Variants in CLINT1 observed in about 807,000 individuals in gnomAD.
CLINT1 encodes clathrin interacting protein localized in the trans-Golgi region.
A neutral mutation model predicts 70.4 loss-of-function variants in CLINT1; 15 were observed. The observed-to-expected ratio is 0.21, with a 90% confidence interval of 0.14 to 0.33. CLINT1 has a LOEUF of 0.33. CLINT1 is among the 10% of genes least tolerant of loss of function. The pLI is 1.00. For missense variants in CLINT1, 615 were observed against 778.1 expected (o/e 0.79, Z 2.49); for synonymous variants, 227 against 254.7 (o/e 0.89, Z 1.04).
chr5:157,805,880 G>A lies in CLINT1; in HGVS notation c.928C>T (p.Gln310Ter). The A allele has an allele frequency of 6.2e-7, 1 of 1,613,956 alleles. No individual in the cohort carries two copies. The highest frequency in any genetic ancestry group is 8.5e-7 in the Non-Finnish European group (1 of 1,179,866). Reference sequence around the variant, plus strand: ...GCCATTCCCACCTTAACTGAAGACTGAGGTGTGTGGGTTGAAGCATTCTGA... The same window carrying A: ...GCCATTCCCACCTTAACTGAAGACTAAGGTGTGTGGGTTGAAGCATTCTGA... The part of the protein sequence containing the change: ...PDQNASTHTP[Q>*]SSVKTSVPSS... Residue 310 changes from glutamine (Q) to a stop codon, truncating the protein, a stop_gained, in exon 7 of 12, where the codon CAG (glutamine) becomes TAG (stop). Coordinates refer to ENST00000411809, the MANE Select transcript of CLINT1 (RefSeq NM_014666.4). LOFTEE classifies it high-confidence loss of function.
At chr5:157,823,022 A>T (rs254674) in intron 1 of CLINT1, among the ~76,000 whole-genome samples, 151,778 of 152,044 alleles carry the variant, frequency 1, 75,758 homozygotes, top group Middle Eastern at 1. Flanking sequence ...TTATTCCTTT[A>T]AAAAAAAACT....
intron 9 of CLINT1, among the ~76,000 whole-genome samples, chr5:157,792,398 A>G (rs1265984837): frequency 6.6e-6 from 1 of 152,132 alleles, no homozygotes; most frequent in Admixed American, 6.5e-5. Context: ...ATACAAAAAA[A>G]TTAGCTGGGT....
chr5:157,812,661 C>T (rs1762599941), intron 5 of CLINT1, among the ~76,000 whole-genome samples: 1 of 152,144 alleles, frequency 6.6e-6, no homozygotes, highest in Non-Finnish European at 1.5e-5. Context: ...GCCAAAAATA[C>T]AGCTAAATTG....
At chr5:157,828,485 A>G (rs1320269062) in intron 1 of CLINT1, among the ~76,000 whole-genome samples, 1 of 152,150 alleles carries the variant, frequency 6.6e-6, no homozygotes, top group Non-Finnish European at 1.5e-5. Context: ...GCTAACAACT[A>G]TATAAAAACA....
intron 1 of CLINT1, chr5:157,823,722 T>A: frequency 1.3e-6 from 1 of 789,002 alleles, no homozygotes; most frequent in Non-Finnish European, 1.5e-6. Flanking sequence ...TTCTTAATAA[T>A]TTTTTTAACA....
chr5:157,819,834 G>A (rs1762828199), intron 1 of CLINT1, among the ~76,000 whole-genome samples: 3 of 152,144 alleles, frequency 2.0e-5, no homozygotes, highest in Admixed American at 2.0e-4. Context: ...TTTTACCAGA[G>A]CCTTCATAAA....
chr5:157,817,665 G>A, intron 1 of CLINT1, 118 bp from the exon 2 acceptor site: 2 of 617,164 alleles, frequency 3.2e-6, no homozygotes, highest in Non-Finnish European at 5.7e-6. Context: ...CTACAGGATG[G>A]GAGAGAAAAC....
In CLINT1 at chr5:157,789,531, T is replaced by G. The variant is rs775594519; in HGVS notation, c.1381-18A>C. On this transcript the variant is annotated intron_variant, in intron 10 of 11. Coordinates refer to ENST00000411809, the MANE Select transcript of CLINT1 (RefSeq NM_014666.4). ...TCTGTATTCTGATTATAGAGAGGAT[T>G]AGGCTTCTGCAGCACTGTGCTAACA... 1.9e-5 allele frequency: 31 copies of G among 1,613,884 alleles called. No homozygotes were observed. The highest frequency in any genetic ancestry group is 1.9e-5 in the Non-Finnish European group (22 of 1,179,876).
intron 1 of CLINT1, among the ~76,000 whole-genome samples, chr5:157,850,447 T>C (rs1753533216): frequency 1.3e-5 from 2 of 151,610 alleles, no homozygotes; most frequent in South Asian, 4.2e-4. Flanking sequence ...GATGAAACCC[T>C]ATCTCTACAA....
At chr5:157,828,071 T>C (rs1409143822) in intron 1 of CLINT1, among the ~76,000 whole-genome samples, 1 of 152,274 alleles carries the variant, frequency 6.6e-6, no homozygotes, top group South Asian at 2.1e-4. Flanking sequence ...TGAAATGACA[T>C]GTGTAAAGCA....
At chr5:157,830,687 G>T (rs1158777380) in intron 1 of CLINT1, among the ~76,000 whole-genome samples, 1 of 150,424 alleles carries the variant, frequency 6.6e-6, no homozygotes, top group Non-Finnish European at 1.5e-5. Context: ...ACCAGCCTGG[G>T]CAATATAGAG....
At chr5:157,855,069 G>A (rs940367066) in intron 1 of CLINT1, among the ~76,000 whole-genome samples, 2 of 148,676 alleles carry the variant, frequency 1.3e-5, no homozygotes, top group African/African-American at 2.5e-5. Context: ...ATTTGAACCC[G>A]GGAGGTAGAG....
chr5:157,846,572 T>C (rs1753387396), intron 1 of CLINT1, among the ~76,000 whole-genome samples: 1 of 152,236 alleles, frequency 6.6e-6, no homozygotes, highest in African/African-American at 2.4e-5. Flanking sequence ...ATGTAGAAGC[T>C]ATGGCAAATT....
intron 1 of CLINT1, 27 bp downstream of exon 1, chr5:157,858,903 C>T (rs549704982): frequency 3.9e-6 from 3 of 778,536 alleles, no homozygotes; most frequent in East Asian, 5.4e-5. Context: ...ACGTGGGCCT[C>T]GGCCACAACT....
chr5:157,817,592 T>A (rs548839067), intron 1 of CLINT1, 45 bp from the exon 2 acceptor site: 1 of 1,264,996 alleles, frequency 7.9e-7, no homozygotes, highest in Admixed American at 2.0e-5. Flanking sequence ...AAGATTAGCA[T>A]CAAAACTGAG....
In CLINT1 at chr5:157,787,395, G is replaced by T; in HGVS notation, c.*251C>A. ...CTTCAGTTGATAAAGGCTTTCAATG[G>T]TCTCACCACCCACTTGTGGTCTATC... is the stretch of plus-strand genomic sequence containing the variant. On this transcript the variant is annotated 3_prime_UTR_variant, in exon 12 of 12. Coordinates refer to ENST00000411809, the MANE Select transcript of CLINT1 (RefSeq NM_014666.4). 1 of 508,506 alleles carries T rather than the reference G, an allele frequency of 2.0e-6. No homozygotes were observed. The highest frequency in any genetic ancestry group is 1.9e-5 in the African/African-American group (1 of 51,928). The allele number at this position is 508,506 out of a possible 1,614,324, so 31.5% of individuals were successfully genotyped here.
chr5:157,802,253 A>G (rs977277206), intron 8 of CLINT1, among the ~76,000 whole-genome samples: 3 of 152,186 alleles, frequency 2.0e-5, no homozygotes, highest in African/African-American at 7.2e-5. Context: ...TACTTTGCAC[A>G]TTAGTCATAC....
In CLINT1 at chr5:157,858,914, G is replaced by GC. The variant is rs749294153; in HGVS notation, c.41+15dup. ...CCCCACGTGGGCCTCGGCCACAACTGCCCCCCGATACTCACGCTTTGTCCA... is the reference window on the plus strand; with the variant it reads ...CCCCACGTGGGCCTCGGCCACAACTGCCCCCCCGATACTCACGCTTTGTCCA... On this transcript the variant is annotated intron_variant, in intron 1 of 11. Transcript: ENST00000411809. 3 of 1,456,476 alleles carry GC rather than the reference G, an allele frequency of 2.1e-6. No homozygotes were observed. The highest frequency in any genetic ancestry group is 3.3e-5 in the African/African-American group (2 of 60,482). The allele number at this position is 1,456,476 out of a possible 1,614,324, so 90.2% of individuals were successfully genotyped here. A position where few individuals can be genotyped will look rare whatever the true frequency, so the allele number is the denominator to read the frequency against.
At chr5:157,833,235 C>T (rs1481910616) in intron 1 of CLINT1, among the ~76,000 whole-genome samples, 1 of 152,004 alleles carries the variant, frequency 6.6e-6, no homozygotes, top group Admixed American at 6.6e-5. Flanking sequence ...ACTGTAATCC[C>T]AGCTATCTGG....
Sources: allele counts gnomAD v4.1 joint callset (sites outside exome capture counted in the v4.1 genomes callset), GRCh38; gene constraint gnomAD v4.1.1; transcripts MANE v1.5; gene names NCBI Gene and HGNC (gene_info 2026-07-23, HGNC 2026-07-21).